The following KCNIP4 variants were observed in gnomAD, a reference collection of about 807,000 sequenced individuals.
The protein encoded by KCNIP4 is Kv channel-interacting protein 4.
In KCNIP4, 12 loss-of-function variants were observed where a neutral mutation model predicts 34.0. The ratio of observed to expected loss-of-function variants is 0.35; its 90% CI spans 0.23 to 0.57. KCNIP4 has a LOEUF of 0.57. Ranked by LOEUF, KCNIP4 falls within the 20% of genes least tolerant of loss-of-function variation. The probability of loss-of-function intolerance (pLI) is 0.83; values close to 1 mark genes in which losing one functional copy is unlikely to be tolerated. For missense variants in KCNIP4, 238 were observed against 311.7 expected (o/e 0.76, Z 1.78); for synonymous variants, 124 against 102.2 (o/e 1.21, Z -1.29).
chr4:21,928,127 T>TACAC (rs1553837569), intron 1 of KCNIP4, among the ~76,000 whole-genome samples: 54 of 143,960 alleles, frequency 3.8e-4, no homozygotes, highest in African/African-American at 1.1e-3. Context: ...TATATATATA[T>TACAC]ACACACACAC....
At chr4:20,857,334 C>T (rs966441903) in intron 2 of KCNIP4, among the ~76,000 whole-genome samples, 1 of 152,144 alleles carries the variant, frequency 6.6e-6, no homozygotes, top group African/African-American at 2.4e-5. Context: ...ACTCAGCCAC[C>T]TTGTAAGAGC....
At chr4:20,763,031 T>A (rs764353090) in intron 3 of KCNIP4, among the ~76,000 whole-genome samples, 15 of 152,102 alleles carry the variant, frequency 9.9e-5, no homozygotes, top group Non-Finnish European at 1.9e-4. Context: ...CACCCACTTA[T>A]CACGAGAACA....
In KCNIP4 at chr4:21,356,926, G is replaced by T. The variant is rs150615042; in HGVS notation, c.62-474217C>A. ...ACCTGACTTCAAACTATACTACAAG[G>T]CTATAGTAACAAAAACAGCATGGTA... is the stretch of plus-strand genomic sequence containing the variant. On this transcript the variant is annotated intron_variant, in intron 1 of 8. Transcript: ENST00000382152. Among the ~76,000 whole-genome samples, 515 of 152,200 alleles carry T rather than the reference G, an allele frequency of 3.4e-3. 3 individuals carry two copies. The highest frequency in any genetic ancestry group is 0.011 in the African/African-American group (475 of 41,526).
chr4:21,810,691 A>C (rs1721596619), intron 1 of KCNIP4, among the ~76,000 whole-genome samples: 1 of 10,328 alleles, frequency 9.7e-5, no homozygotes, highest in Non-Finnish European at 2.6e-4. Context: ...CTCCGTCTCA[A>C]AAAAAAAAAA....
chr4:21,686,044 C>G (rs1322226295), intron 1 of KCNIP4, among the ~76,000 whole-genome samples: 1 of 152,138 alleles, frequency 6.6e-6, no homozygotes. Flanking sequence ...TTGTTTGGCT[C>G]AGGGAATTAC....
chr4:20,732,164 G>T, intron 7 of KCNIP4, 96 bp from the exon 8 acceptor site: 1 of 824,166 alleles, frequency 1.2e-6, no homozygotes, highest in Non-Finnish European at 2.0e-6. Flanking sequence ...AGAAAACCTA[G>T]CTGCTTATTT....
chr4:21,125,368 C>G (rs894807490), intron 1 of KCNIP4, among the ~76,000 whole-genome samples: 1 of 151,842 alleles, frequency 6.6e-6, no homozygotes, highest in Non-Finnish European at 1.5e-5. Flanking sequence ...AGGTGCCCGC[C>G]ACCATGCCCA....
At chr4:21,116,936 G>A (rs142627497) in intron 1 of KCNIP4, among the ~76,000 whole-genome samples, 1 of 151,774 alleles carries the variant, frequency 6.6e-6, no homozygotes, top group East Asian at 1.9e-4. Flanking sequence ...ATCCCCACAG[G>A]GCTTAGTGTT....
intron 1 of KCNIP4, chr4:21,851,253 T>C (rs1724365393): frequency 6.6e-6 from 1 of 152,086 alleles, no homozygotes; most frequent in South Asian, 2.1e-4. Flanking sequence ...CTTACACAGA[T>C]GAGAAAACCA....
At chr4:21,690,877 G>C (rs1711553320) in intron 1 of KCNIP4, among the ~76,000 whole-genome samples, 1 of 152,120 alleles carries the variant, frequency 6.6e-6, no homozygotes, top group Non-Finnish European at 1.5e-5. Flanking sequence ...CAGTTTGTTT[G>C]AATGTATAGG....
chr4:21,874,120 C>T (rs752295214), intron 1 of KCNIP4, among the ~76,000 whole-genome samples: 20 of 152,312 alleles, frequency 1.3e-4, no homozygotes, highest in Middle Eastern at 3.4e-3. Context: ...GGGCACTTAA[C>T]CATATCATTG....
chr4:21,291,708 G>A (rs112304610), intron 1 of KCNIP4, among the ~76,000 whole-genome samples: 2,446 of 151,468 alleles, frequency 0.016, 58 homozygotes, highest in African/African-American at 0.053. Context: ...AAAAAAATTA[G>A]CCAGGCATGG....
intron 1 of KCNIP4, among the ~76,000 whole-genome samples, chr4:21,706,892 T>C (rs1175682604): frequency 6.6e-6 from 1 of 152,108 alleles, no homozygotes; most frequent in African/African-American, 2.4e-5. Context: ...AAGTCACAGG[T>C]TTTGAAAGTG....
intron 1 of KCNIP4, among the ~76,000 whole-genome samples, chr4:21,481,365 C>T: frequency 6.6e-6 from 1 of 152,148 alleles, no homozygotes; most frequent in East Asian, 1.9e-4. Context: ...GAATCACTGT[C>T]CAAAACAGAA....
chr4:21,575,615 G>A (rs745445929), intron 1 of KCNIP4, among the ~76,000 whole-genome samples: 1 of 150,914 alleles, frequency 6.6e-6, no homozygotes, highest in Admixed American at 6.6e-5. Context: ...TGCATAATTT[G>A]TCATCTTCAC....
At chr4:20,812,060 G>A (rs749106170) in intron 3 of KCNIP4, among the ~76,000 whole-genome samples, 2 of 152,182 alleles carry the variant, frequency 1.3e-5, no homozygotes, top group Non-Finnish European at 2.9e-5. Flanking sequence ...TTACATAAAT[G>A]AGCAGTGAGA....
intron 1 of KCNIP4, among the ~76,000 whole-genome samples, chr4:21,203,361 C>A (rs1481422289): frequency 6.6e-6 from 1 of 152,044 alleles, no homozygotes; most frequent in Non-Finnish European, 1.5e-5. Flanking sequence ...AGGGGCATTG[C>A]AACAAATGAG....
chr4:21,158,970 AAAT>A (rs1228418238), intron 1 of KCNIP4, among the ~76,000 whole-genome samples: 1 of 152,200 alleles, frequency 6.6e-6, no homozygotes, highest in Admixed American at 6.5e-5. Context: ...AATTGAAATT[AAAT>A]ATTATTTATA....
At chr4:20,911,218 A>G (rs1275674181) in intron 1 of KCNIP4, among the ~76,000 whole-genome samples, 1 of 152,220 alleles carries the variant, frequency 6.6e-6, no homozygotes, top group Non-Finnish European at 1.5e-5. Flanking sequence ...GTTTGTAGAA[A>G]TGACCTTATT....
Sources: allele counts gnomAD v4.1 joint callset (sites outside exome capture counted in the v4.1 genomes callset), GRCh38; gene constraint gnomAD v4.1.1; transcripts MANE v1.5; gene names NCBI Gene and HGNC (gene_info 2026-07-23, HGNC 2026-07-21).